Variants in DENND1A observed in about 807,000 individuals in gnomAD.
DENND1A encodes the protein DENN domain containing 1A.
Under a neutral mutation model 113.7 loss-of-function variants are expected in DENND1A, and 51 were observed. That is an observed-to-expected ratio of 0.45 (90% CI 0.36 to 0.57). The LOEUF (loss-of-function observed/expected upper bound fraction) is 0.57. Among genes scored for constraint, DENND1A ranks in the 20% least tolerant of loss-of-function variants. The pLI, the probability that DENND1A is intolerant of heterozygous loss-of-function variation, is 0.00. For synonymous variants in DENND1A, 565 were observed against 570.8 expected (o/e 0.99, Z 0.14); for missense variants, 1,258 against 1,395.9 (o/e 0.90, Z 1.57).
At chr9:123,861,741 T>G (rs1388830818) in intron 2 of DENND1A, among the ~76,000 whole-genome samples, 2 of 152,140 alleles carry the variant, frequency 1.3e-5, no homozygotes, top group Non-Finnish European at 2.9e-5. Context: ...TCAAGCTCCT[T>G]TAAAAAATAT....
At chr9:123,669,696 CAA>C (rs1368735139) in intron 7 of DENND1A, among the ~76,000 whole-genome samples, 7 of 152,238 alleles carry the variant, frequency 4.6e-5, no homozygotes, top group Non-Finnish European at 8.8e-5. Context: ...AGGACAGAGA[CAA>C]AGGCAGGGTT....
intron 2 of DENND1A, among the ~76,000 whole-genome samples, chr9:123,878,699 C>T (rs963123642): frequency 6.7e-6 from 1 of 150,132 alleles, no homozygotes; most frequent in Non-Finnish European, 1.5e-5. Context: ...AAGATGCAAA[C>T]CAAGACCCAA....
intron 16 of DENND1A, among the ~76,000 whole-genome samples, chr9:123,453,910 A>C (rs2047918519): frequency 1.3e-5 from 2 of 152,330 alleles, no homozygotes; most frequent in East Asian, 3.9e-4. Flanking sequence ...TCAATCAATC[A>C]ACAAGTCCTT....
intron 11 of DENND1A, among the ~76,000 whole-genome samples, chr9:123,585,295 T>C (rs2059109954): frequency 6.6e-6 from 1 of 152,222 alleles, no homozygotes; most frequent in South Asian, 2.1e-4. Flanking sequence ...TGTAGGAGTT[T>C]ATTCTTTCCT....
chr9:123,501,493 C>A (rs58157450), intron 13 of DENND1A, among the ~76,000 whole-genome samples: 1,610 of 152,308 alleles, frequency 0.011, 39 homozygotes, highest in African/African-American at 0.037. Flanking sequence ...AGTGAAACTG[C>A]AGGATCATAT....
intron 20 of DENND1A, chr9:123,411,297 G>T (rs2044288944): frequency 6.6e-6 from 1 of 152,308 alleles, no homozygotes; most frequent in Non-Finnish European, 1.5e-5. Context: ...TCCAAGGAAG[G>T]CCTGGCAGGG....
chr9:123,696,762 T>C (rs2065546439), intron 5 of DENND1A, among the ~76,000 whole-genome samples: 4 of 150,878 alleles, frequency 2.7e-5, no homozygotes, highest in Admixed American at 2.0e-4. Flanking sequence ...TCTTTTGATA[T>C]ATTTTTTACA....
chr9:123,910,081 T>G (rs1181540363), intron 1 of DENND1A, among the ~76,000 whole-genome samples: 1 of 152,174 alleles, frequency 6.6e-6, no homozygotes, highest in South Asian at 2.1e-4. Context: ...GACTCAATAT[T>G]GTTAATATCA....
At chr9:123,908,919 T>C (rs1853423694) in intron 1 of DENND1A, among the ~76,000 whole-genome samples, 1 of 152,204 alleles carries the variant, frequency 6.6e-6, no homozygotes, top group East Asian at 1.9e-4. Flanking sequence ...TGCGGCATTA[T>C]TCACAATAGC....
intron 1 of DENND1A, among the ~76,000 whole-genome samples, chr9:123,887,604 C>T (rs1027733276): frequency 6.6e-6 from 1 of 150,828 alleles, no homozygotes; most frequent in Non-Finnish European, 1.5e-5. Context: ...GAGGCCAGTG[C>T]CCAAGCAGGC....
chr9:123,757,976 TAA>T (rs557446216), intron 4 of DENND1A, among the ~76,000 whole-genome samples, 154 bp from the exon 5 acceptor site: 4,520 of 122,952 alleles, frequency 0.037, 231 homozygotes, highest in African/African-American at 0.12. Context: ...GTAAGCTAGT[TAA>T]AAAAAAAAAA....
chr9:123,557,575 C>T lies in DENND1A; in HGVS notation c.988G>A (p.Glu330Lys), dbSNP rs772189794. 5.0e-6 allele frequency: 8 copies of T among 1,613,688 alleles called. No homozygotes were observed. In the Admixed American group the frequency reaches 8.3e-5, roughly 17 times the overall value. ...GACATGCCAAGGCTACTCACCGGCT[C>T]GATTTTCAGAGCGTTTCGGTAGCTA... The part of the protein sequence containing the change: ...FGSYRNALKI[E>K]PEEPITFCEE... The change falls in exon 13 of 24, where the codon GAG becomes AAG. Residue 330 changes from glutamate to lysine, a missense_variant. Around this residue, in one of 2 missense-constraint regions of DENND1A, gnomAD observed 1,159 missense variants for 1,231.7 expected, o/e 0.94. Transcript: ENST00000394215.
chr9:123,781,922 T>C (rs367608797), intron 3 of DENND1A, among the ~76,000 whole-genome samples: 1 of 151,926 alleles, frequency 6.6e-6, no homozygotes, highest in East Asian at 1.9e-4. Context: ...ATTCAAAAAT[T>C]AGCCAGGCGT....
At position 123,864,390 on chromosome 9, in the gene DENND1A, A is replaced by C. The variant is rs190623978; in HGVS notation, c.88+14561T>G. On this transcript the variant is annotated intron_variant, in intron 2 of 23. Coordinates refer to ENST00000394215, the MANE Select transcript of DENND1A (RefSeq NM_001352964.2). ...GTGGGGAAACAGCTTTTAGTGACAC[A>C]AATTCCCATGATTCCAGACCACAGG... is the stretch of plus-strand genomic sequence containing the variant. 2.5e-3 allele frequency among the ~76,000 whole-genome samples: 376 copies of C among 152,316 alleles called. 2 individuals are homozygous for C. The highest frequency in any genetic ancestry group is 0.024 in the Middle Eastern group (7 of 294).
intron 10 of DENND1A, among the ~76,000 whole-genome samples, chr9:123,609,832 C>T (rs546117772): frequency 3.9e-5 from 6 of 152,228 alleles, no homozygotes; most frequent in East Asian, 3.9e-4. Context: ...AGAAAATATA[C>T]GTTAAATGAT....
At chr9:123,818,748 G>A (rs1837993504) in intron 2 of DENND1A, among the ~76,000 whole-genome samples, 2 of 152,044 alleles carry the variant, frequency 1.3e-5, no homozygotes, top group African/African-American at 4.8e-5. Context: ...TCCATTTGTG[G>A]CATCATGTCA....
At chr9:123,795,390 C>T (rs1833612314) in intron 2 of DENND1A, among the ~76,000 whole-genome samples, 1 of 152,178 alleles carries the variant, frequency 6.6e-6, no homozygotes, top group Non-Finnish European at 1.5e-5. Flanking sequence ...ACCAAAATAT[C>T]GACATTGGAA....
chr9:123,681,344 G>A (rs1458698740), intron 5 of DENND1A, among the ~76,000 whole-genome samples: 1 of 151,516 alleles, frequency 6.6e-6, no homozygotes, highest in Non-Finnish European at 1.5e-5. Flanking sequence ...AGGGGAGGGA[G>A]GCGAGGCAGA....
At chr9:123,913,560 G>C (rs909187772) in intron 1 of DENND1A, among the ~76,000 whole-genome samples, 3 of 152,120 alleles carry the variant, frequency 2.0e-5, no homozygotes, top group Non-Finnish European at 2.9e-5. Flanking sequence ...GGGAAAAAAA[G>C]ATTTAAGAAA....
Sources: allele counts gnomAD v4.1 joint callset (sites outside exome capture counted in the v4.1 genomes callset), GRCh38; gene constraint gnomAD v4.1.1; regional missense constraint gnomAD v4.1.1; transcripts MANE v1.5; gene names NCBI Gene and HGNC (gene_info 2026-07-23, HGNC 2026-07-21).